Variants in FBXL13 observed in about 807,000 individuals in gnomAD.
The protein encoded by FBXL13 is F-box and leucine-rich repeat protein 13.
In FBXL13, 67 loss-of-function variants were observed where a neutral mutation model predicts 83.6. The observed-to-expected ratio is 0.80, with a 90% CI of 0.66 to 0.98. The LOEUF (loss-of-function observed/expected upper bound fraction) is 0.98, where lower values mean the gene tolerates loss of function less well. Among genes scored for constraint, FBXL13 ranks in the 50% least tolerant of loss-of-function variants. FBXL13 has a pLI of 0.00. For missense variants in FBXL13, 822 were observed against 866.5 expected (o/e 0.95, Z 0.64); for synonymous variants, 272 against 299.5 (o/e 0.91, Z 0.95).
intron 10 of FBXL13, among the ~76,000 whole-genome samples, chr7:102,919,813 C>A (rs1816640602): frequency 6.6e-6 from 1 of 152,062 alleles, no homozygotes; most frequent in East Asian, 1.9e-4. Context: ...TGCATCTTTA[C>A]TGAAAAAAGA....
intron 19 of FBXL13, 130 bp from the exon 21 acceptor site, chr7:102,813,661 T>A: frequency 1.1e-6 from 1 of 879,554 alleles, no homozygotes. Flanking sequence ...CTCTCTTGCC[T>A]TGCTGAGAGT....
chr7:103,037,930 C>T (rs1008990308), intron 2 of FBXL13, among the ~76,000 whole-genome samples: 1 of 152,004 alleles, frequency 6.6e-6, no homozygotes, highest in Non-Finnish European at 1.5e-5. Context: ...GTATCTGGTG[C>T]ACCTCACTGG....
intron 16 of FBXL13, among the ~76,000 whole-genome samples, chr7:102,867,637 G>A (rs1807858824): frequency 7.3e-6 from 1 of 136,634 alleles, no homozygotes; most frequent in South Asian, 2.3e-4. Context: ...AGTCCCCAAG[G>A]AACTCTGAGC....
At chr7:102,968,045 G>C (rs1391075551) in exon 7 of FBXL13, 1 of 1,613,532 alleles carries the variant, frequency 6.2e-7, no homozygotes. Context: ...GAGTTTAGTT[G>C]TGTCATCAAC....
chr7:102,981,179 A>T (rs895911959), intron 6 of FBXL13, among the ~76,000 whole-genome samples: 1 of 152,216 alleles, frequency 6.6e-6, no homozygotes, highest in Non-Finnish European at 1.5e-5. Context: ...CAACTAGAAA[A>T]GAAAAGTGGC....
intron 17 of FBXL13, among the ~76,000 whole-genome samples, chr7:102,845,807 T>C (rs11496066): frequency 0.17 from 25,977 of 152,146 alleles, 2,280 homozygotes; most frequent in Middle Eastern, 0.26. Flanking sequence ...CCACTTTCCT[T>C]GTTAAAGTGA....
At chr7:102,893,845 G>A (rs1473936495) in intron 11 of FBXL13, among the ~76,000 whole-genome samples, 1 of 149,296 alleles carries the variant, frequency 6.7e-6, no homozygotes, top group Non-Finnish European at 1.5e-5. Context: ...GAAGGGAAAG[G>A]CGAAGGGAGA....
chr7:102,826,743 A>ATG (rs1799733242), intron 18 of FBXL13, among the ~76,000 whole-genome samples: 2 of 83,366 alleles, frequency 2.4e-5, no homozygotes, highest in Non-Finnish European at 2.1e-5. Context: ...ATATATATAT[A>ATG]TATATATATA....
intron 2 of FBXL13, chr7:103,046,984 T>C (rs1044142994): frequency 2.0e-5 from 3 of 152,250 alleles, no homozygotes; most frequent in African/African-American, 7.2e-5. Flanking sequence ...TGTGAAGCAG[T>C]TGATTATCCT....
chr7:103,015,335 C>G (rs1188445339), intron 6 of FBXL13, among the ~76,000 whole-genome samples: 1 of 152,126 alleles, frequency 6.6e-6, no homozygotes, highest in Non-Finnish European at 1.5e-5. Context: ...ACTGAAAGTC[C>G]TAGCAAGAGA....
intron 6 of FBXL13, among the ~76,000 whole-genome samples, chr7:103,020,360 C>T (rs1326319606): frequency 6.6e-6 from 1 of 152,126 alleles, no homozygotes; most frequent in Non-Finnish European, 1.5e-5. Context: ...AAACCCACAG[C>T]CAATATCATA....
chr7:102,898,800 T>C (rs1812604602), intron 11 of FBXL13, among the ~76,000 whole-genome samples: 1 of 152,254 alleles, frequency 6.6e-6, no homozygotes, highest in African/African-American at 2.4e-5. Context: ...ATGTGACTAA[T>C]GGTGAGAAAC....
At chr7:102,940,192 C>T (rs567711379) in intron 8 of FBXL13, among the ~76,000 whole-genome samples, 2 of 150,690 alleles carry the variant, frequency 1.3e-5, no homozygotes, top group South Asian at 4.2e-4. Context: ...CCGCGCCTGG[C>T]CAAATGTAGT....
At chr7:102,893,778 A>G (rs1166063209) in intron 11 of FBXL13, among the ~76,000 whole-genome samples, 1 of 150,358 alleles carries the variant, frequency 6.7e-6, no homozygotes, top group Non-Finnish European at 1.5e-5. Context: ...AAAAAAAAAA[A>G]AAAAAAGAAA....
intron 17 of FBXL13, among the ~76,000 whole-genome samples, chr7:102,841,252 T>G (rs765784061): frequency 1.6e-4 from 25 of 152,076 alleles, no homozygotes; most frequent in Non-Finnish European, 2.4e-4. Flanking sequence ...TCTGACAGTT[T>G]TTTTTTTTTT....
Position 102,945,670 on chromosome 7 carries a change from G to A in FBXL13, c.725-13737C>T, listed in dbSNP as rs77446067. ...GTTTGCATTTAGATAGTCATATTCT[G>A]CAAAGAGAAAAATAAAGTGAAAAGA... On this transcript the variant is annotated intron_variant, in intron 8 of 19. Coordinates refer to ENST00000313221, the Ensembl canonical transcript of FBXL13. Among the ~76,000 whole-genome samples the A allele has an allele frequency of 3.7e-3, 567 of 152,260 alleles. 5 individuals are homozygous for A. Among genetic ancestry groups the A allele is most frequent in the African/African-American group, 0.013 (560 of 41,538 alleles).
downstream of FBXL13, among the ~76,000 whole-genome samples, chr7:102,811,195 G>T (rs369501449): frequency 2.6e-5 from 4 of 151,962 alleles, no homozygotes; most frequent in African/African-American, 7.3e-5. Flanking sequence ...AAAGTCATAA[G>T]CATAACAGCA....
intron 7 of FBXL13, among the ~76,000 whole-genome samples, chr7:102,965,987 TAACTC>T (rs962269828): frequency 1.1e-4 from 17 of 152,270 alleles, no homozygotes; most frequent in Non-Finnish European, 2.1e-4. Context: ...CTCTAAAACT[TAACTC>T]AAAGAAATTA....
At position 102,921,322 on chromosome 7, in the gene FBXL13, T is replaced by C. The variant is rs114506164; in HGVS notation, c.878+4952A>G. On this transcript the variant is annotated intron_variant, in intron 10 of 19. Coordinates refer to ENST00000313221, the Ensembl canonical transcript of FBXL13. Reference sequence around the variant, plus strand: ...GCTTGATCATAATAGGCAACTAATATATCACTATTATAATGATGTATCAAG... The same window carrying C: ...GCTTGATCATAATAGGCAACTAATACATCACTATTATAATGATGTATCAAG... 1.8e-3 allele frequency among the ~76,000 whole-genome samples: 268 copies of C among 152,328 alleles called. 1 individual carries two copies. The highest frequency in any genetic ancestry group is 6.1e-3 in the African/African-American group (255 of 41,576).
Sources: allele counts gnomAD v4.1 joint callset (sites outside exome capture counted in the v4.1 genomes callset), GRCh38; gene constraint gnomAD v4.1.1; transcripts MANE v1.5; gene names NCBI Gene and HGNC (gene_info 2026-07-23, HGNC 2026-07-21).